Variants in TNRC6C observed in about 807,000 individuals in gnomAD.
TNRC6C encodes the protein trinucleotide repeat containing adaptor 6C.
TNRC6C carries 20 observed loss-of-function variants against 153.7 expected under a neutral mutation model. The observed-to-expected ratio is 0.13, with a 90% CI of 0.09 to 0.19. The LOEUF is 0.19. Ranked by LOEUF, TNRC6C falls within the 10% of genes least tolerant of loss-of-function variation. The pLI is 1.00. For synonymous variants in TNRC6C, 811 were observed against 841.4 expected (o/e 0.96, Z 0.63); for missense variants, 1,987 against 2,172.0 (o/e 0.91, Z 1.69).
exon 20 of TNRC6C, chr17:78,107,905 C>G (rs1191340765): frequency 2.0e-5 from 3 of 152,214 alleles, no homozygotes; most frequent in Non-Finnish European, 4.4e-5. Context: ...TTTTATGCAT[C>G]TATTTTTGTA....
At chr17:77,960,720 G>A (rs79011698) in intron 1 of TNRC6C, among the ~76,000 whole-genome samples, 7,760 of 152,266 alleles carry the variant, frequency 0.051, 468 homozygotes, top group African/African-American at 0.15. Flanking sequence ...TTCCAGAACA[G>A]CAGAGGTGGC....
At chr17:78,093,853 GGGATGATACAAGGCACA>G (rs2073435340) in intron 16 of TNRC6C, 90 bp downstream of exon 18, 1 of 1,540,474 alleles carries the variant, frequency 6.5e-7, no homozygotes, top group Admixed American at 1.8e-5. Context: ...CTGTGAGGCA[GGGATGATACAAGGCACA>G]GTTGGCGGGC....
At chr17:78,068,273 T>G (rs1390626886) in intron 5 of TNRC6C, among the ~76,000 whole-genome samples, 1 of 152,258 alleles carries the variant, frequency 6.6e-6, no homozygotes, top group Non-Finnish European at 1.5e-5. Flanking sequence ...ACCCTTCTCA[T>G]GAAAAATTAA....
chr17:78,047,634 C>T (rs528962384), intron 2 of TNRC6C, among the ~76,000 whole-genome samples: 5 of 151,940 alleles, frequency 3.3e-5, no homozygotes, highest in Admixed American at 2.6e-4. Context: ...ATTGTCCATA[C>T]GATTTTTCTT....
intron 1 of TNRC6C, among the ~76,000 whole-genome samples, chr17:78,028,981 C>T (rs893292100): frequency 9.2e-5 from 14 of 152,308 alleles, no homozygotes; most frequent in Middle Eastern, 3.4e-3. Flanking sequence ...TGTTTGCATT[C>T]GGCATGCTAA....
intron 2 of TNRC6C, among the ~76,000 whole-genome samples, chr17:78,033,481 C>T (rs923031398): frequency 6.6e-6 from 1 of 152,106 alleles, no homozygotes; most frequent in Non-Finnish European, 1.5e-5. Context: ...ACCAGCCTGA[C>T]CAACATGGAG....
chr17:77,983,543 A>G (rs761153564), intron 1 of TNRC6C, among the ~76,000 whole-genome samples: 6 of 152,076 alleles, frequency 3.9e-5, no homozygotes, highest in Admixed American at 2.0e-4. Flanking sequence ...AGGTCTGTTG[A>G]GGAGTCACAT....
At chr17:78,004,201 C>T (rs2071458035), upstream of TNRC6C, 4 of 1,230,532 alleles carry the variant, frequency 3.3e-6, no homozygotes, top group African/African-American at 1.6e-5. Flanking sequence ...AGAAGAGGAA[C>T]GTTTGATGGA....
intron 1 of TNRC6C, among the ~76,000 whole-genome samples, chr17:77,965,352 GTATGAT>G (rs1555624033): frequency 1.3e-5 from 2 of 152,184 alleles, no homozygotes; most frequent in Non-Finnish European, 2.9e-5. Context: ...CACTTTGTGT[GTATGAT>G]CTCATTCATT....
intron 10 of TNRC6C, among the ~76,000 whole-genome samples, chr17:78,082,022 C>T (rs975007259): frequency 1.3e-5 from 2 of 151,274 alleles, no homozygotes. Flanking sequence ...TTAAAATGTC[C>T]ATACATTTTT....
intron 16 of TNRC6C, among the ~76,000 whole-genome samples, 159 bp downstream of exon 18, chr17:78,093,922 T>C (rs1478262879): frequency 6.6e-6 from 1 of 152,004 alleles, no homozygotes; most frequent in Non-Finnish European, 1.5e-5. Context: ...AGACAGCAGG[T>C]AGTGCTTATG....
At position 78,079,840 on chromosome 17, in the gene TNRC6C, A is replaced by G. The variant is rs1054496509; in HGVS notation, c.3357+299A>G. Among the ~76,000 whole-genome samples, 2 of 151,748 alleles carry G rather than the reference A, an allele frequency of 1.3e-5. No homozygotes were observed. Among genetic ancestry groups the G allele is most frequent in the African/African-American group, 2.4e-5 (1 of 41,268 alleles). On this transcript the variant is annotated intron_variant, in intron 10 of 19. Coordinates refer to ENST00000301624, the Ensembl canonical transcript of TNRC6C. The surrounding 1 kb of genome is among the most constrained non-coding windows in gnomAD (Gnocchi z 4.3). ...TGAGGGGGAAGGACCTGCCCAACACACTCCCATTGATGTGCTTTTGTCCCA... is the reference window on the plus strand; with the variant it reads ...TGAGGGGGAAGGACCTGCCCAACACGCTCCCATTGATGTGCTTTTGTCCCA...
chr17:78,005,356 G>A (rs1234466510), intron 1 of TNRC6C, among the ~76,000 whole-genome samples: 3 of 152,012 alleles, frequency 2.0e-5, no homozygotes, highest in Admixed American at 6.6e-5. Flanking sequence ...AAACAGGATC[G>A]AACTGATAAA....
intron 2 of TNRC6C, among the ~76,000 whole-genome samples, chr17:78,043,266 T>G (rs1168028994): frequency 6.6e-6 from 1 of 152,196 alleles, no homozygotes; most frequent in Non-Finnish European, 1.5e-5. Flanking sequence ...TGACAGAAGA[T>G]GTACCAGGCC....
upstream of TNRC6C, among the ~76,000 whole-genome samples, chr17:78,001,357 C>G (rs954736436): frequency 6.6e-6 from 1 of 152,174 alleles, no homozygotes; most frequent in Non-Finnish European, 1.5e-5. Context: ...ACCTAGTTGC[C>G]GTTGCTACTG....
chr17:77,982,812 C>CG (rs2071099740), intron 1 of TNRC6C, among the ~76,000 whole-genome samples: 1 of 151,948 alleles, frequency 6.6e-6, no homozygotes, highest in African/African-American at 2.4e-5. Context: ...GCCTGGGTGA[C>CG]GGAGCAAGAT....
At chr17:78,014,554 T>C (rs1174543235) in intron 1 of TNRC6C, among the ~76,000 whole-genome samples, 2 of 151,624 alleles carry the variant, frequency 1.3e-5, no homozygotes, top group African/African-American at 4.9e-5. Flanking sequence ...CAAAGTAACC[T>C]TTTAATGAAA....
chr17:78,004,957 A>G (rs1220145884), upstream of TNRC6C: 2 of 936,448 alleles, frequency 2.1e-6, no homozygotes, highest in East Asian at 3.3e-5. Flanking sequence ...TAAAATTTTC[A>G]ATACTAAAAG....
chr17:77,972,039 G>T lies in TNRC6C; in HGVS notation c.-38+12771G>T, dbSNP rs141330647. On this transcript the variant is annotated intron_variant, in intron 1 of 22. Coordinates refer to the TNRC6C transcript ENST00000636222. ...CTAGAGAGAACAAACTAAACCGATG[G>T]CAAACAAACAAAAAAAAAGTAGAGA... Among the ~76,000 whole-genome samples the T allele has an allele frequency of 8.7e-3, 1,316 of 151,788 alleles. 13 individuals carry two copies. Among genetic ancestry groups the T allele is most frequent in the South Asian group, 0.037 (180 of 4,806 alleles).
Sources: allele counts gnomAD v4.1 joint callset (sites outside exome capture counted in the v4.1 genomes callset), GRCh38; gene constraint gnomAD v4.1.1; non-coding constraint Gnocchi (gnomAD v3.1); transcripts MANE v1.5; gene names NCBI Gene and HGNC (gene_info 2026-07-23, HGNC 2026-07-21).